The following SFXN5 variants were observed in gnomAD, a reference collection of about 807,000 sequenced individuals.
The protein encoded by SFXN5 is sideroflexin-5.
In SFXN5, 43 loss-of-function variants were observed where a neutral mutation model predicts 50.2. That is an observed-to-expected ratio of 0.86 (90% CI 0.67 to 1.11). SFXN5 has a LOEUF of 1.11. Ranked by LOEUF, SFXN5 falls within the 50% of genes least tolerant of loss-of-function variation. The probability of loss-of-function intolerance (pLI) is 0.00; values close to 1 mark genes in which losing one functional copy is unlikely to be tolerated. For synonymous variants in SFXN5, 203 were observed against 185.8 expected (o/e 1.09, Z -0.75); for missense variants, 463 against 454.1 (o/e 1.02, Z -0.18).
intron 2 of SFXN5, among the ~76,000 whole-genome samples, chr2:73,045,815 C>A (rs1680248893): frequency 6.6e-6 from 1 of 152,116 alleles, no homozygotes; most frequent in South Asian, 2.1e-4. Flanking sequence ...TGTTCCCACC[C>A]AGCAGTCCTG....
rs1222588278 is a variant in SFXN5, at chr2:72,992,150, C to T, written c.535-3802G>A. ...CTATCTCCAAGGTCTGGCTACTGGGCCAGTGAATTTGCCATGAGCAGCTGA... is the reference window on the plus strand; with the variant it reads ...CTATCTCCAAGGTCTGGCTACTGGGTCAGTGAATTTGCCATGAGCAGCTGA... On this transcript the variant is annotated intron_variant, in intron 9 of 13. Transcript: ENST00000272433. This position sits in a 1 kb window ranked among gnomAD's most constrained non-coding sequence, Gnocchi z 4.5. 6.6e-6 allele frequency among the ~76,000 whole-genome samples: 1 copy of T among 152,116 alleles called. No homozygotes were observed. The highest frequency in any genetic ancestry group is 2.4e-5 in the African/African-American group (1 of 41,412).
At chr2:72,964,031 T>G (rs1289549923) in intron 12 of SFXN5, among the ~76,000 whole-genome samples, 1 of 151,984 alleles carries the variant, frequency 6.6e-6, no homozygotes, top group Admixed American at 6.5e-5. Context: ...CGTCTCAGAG[T>G]CAAGGCCAAC....
chr2:73,033,506 G>C (rs770862906), intron 3 of SFXN5, among the ~76,000 whole-genome samples: 3 of 152,250 alleles, frequency 2.0e-5, no homozygotes, highest in Admixed American at 6.5e-5. Flanking sequence ...GGGTCTCACT[G>C]AGGTGATATT....
At chr2:73,044,542 C>G (rs1680068121) in intron 2 of SFXN5, 2 of 152,322 alleles carry the variant, frequency 1.3e-5, no homozygotes, top group African/African-American at 4.8e-5. Context: ...TTAAACTCTT[C>G]ACACGCCCCT....
intron 3 of SFXN5, among the ~76,000 whole-genome samples, chr2:73,039,838 T>G (rs566368667): frequency 1.3e-5 from 2 of 151,268 alleles, no homozygotes; most frequent in East Asian, 1.9e-4. Flanking sequence ...TGAGACAGAG[T>G]TTCGCTTTGT....
chr2:72,953,891 C>A lies in SFXN5; in HGVS notation c.945+7240G>T, dbSNP rs1233487801. On this transcript the variant is annotated intron_variant, in intron 13 of 13. Transcript: ENST00000272433. The surrounding 1 kb of genome is among the most constrained non-coding windows in gnomAD (Gnocchi z 4.1). ...AGCCAGGCTGGTTCATCAAAACCAC[C>A]ATTTTCATCAGGGCTGGTAAGAGGG... Among the ~76,000 whole-genome samples the A allele has an allele frequency of 2.6e-5, 4 of 152,214 alleles. No homozygotes were observed. The highest frequency in any genetic ancestry group is 5.9e-5 in the Non-Finnish European group (4 of 68,030).
intron 6 of SFXN5, among the ~76,000 whole-genome samples, chr2:73,008,279 G>T (rs1402381761): frequency 2.0e-5 from 3 of 152,202 alleles, no homozygotes; most frequent in African/African-American, 7.2e-5. Context: ...GGTGTTCATG[G>T]TCTGCCCTCC....
At chr2:73,038,157 T>C (rs927623413) in intron 3 of SFXN5, among the ~76,000 whole-genome samples, 1 of 152,252 alleles carries the variant, frequency 6.6e-6, no homozygotes, top group Non-Finnish European at 1.5e-5. Context: ...GGCTACCTCG[T>C]AGGTAGAGCC....
In SFXN5 at chr2:72,992,978, T is replaced by A. The variant is rs1031086924; in HGVS notation, c.535-4630A>T. On this transcript the variant is annotated intron_variant, in intron 9 of 13. Coordinates refer to ENST00000272433, the MANE Select transcript of SFXN5 (RefSeq NM_144579.3). The surrounding 1 kb of genome is among the most constrained non-coding windows in gnomAD (Gnocchi z 4.5). ...AGGAAGGGGATGCCTGCCTGAGCCCTGAATAGGAGGCTAGGAAGGGAGCAG... is the reference window on the plus strand; with the variant it reads ...AGGAAGGGGATGCCTGCCTGAGCCCAGAATAGGAGGCTAGGAAGGGAGCAG... Among the ~76,000 whole-genome samples, 2 of 152,042 alleles carry A rather than the reference T, an allele frequency of 1.3e-5. No individual in the cohort carries two copies. The highest frequency in any genetic ancestry group is 4.8e-5 in the African/African-American group (2 of 41,400).
chr2:72,944,744 T>A lies in SFXN5; in HGVS notation c.*278A>T, dbSNP rs1393570575. On this transcript the variant is annotated 3_prime_UTR_variant, in exon 14 of 14. Transcript: ENST00000272433. The stretch of plus-strand genomic sequence containing the variant: ...CATGGGCACTCTACAATTTTTCAGC[T>A]TCACACATAATTGTGCTGAGTGGAG... 7.5e-6 allele frequency: 3 copies of A among 397,580 alleles called. No homozygotes were observed. Among genetic ancestry groups the A allele is most frequent in the Non-Finnish European group, 1.3e-5 (3 of 222,690 alleles). 24.6% of individuals were successfully genotyped at this position (397,580 alleles called of 1,614,324 possible). A position where few individuals can be genotyped will look rare whatever the true frequency, so the allele number is the denominator to read the frequency against.
intron 10 of SFXN5, among the ~76,000 whole-genome samples, chr2:72,976,645 C>T (rs1355242088): frequency 1.3e-5 from 2 of 152,072 alleles, no homozygotes; most frequent in South Asian, 4.1e-4. Flanking sequence ...CAAAAAAGAA[C>T]AAGAAAATGT....
At chr2:72,996,281 C>G (rs1461672188) in intron 9 of SFXN5, among the ~76,000 whole-genome samples, 1 of 152,184 alleles carries the variant, frequency 6.6e-6, no homozygotes, top group Non-Finnish European at 1.5e-5. Context: ...AGCACAGGCA[C>G]AGCCCCGCGT....
In SFXN5 at chr2:73,027,086, G is replaced by C. The variant is rs376677221; in HGVS notation, c.250-3872C>G. 1.9e-3 allele frequency among the ~76,000 whole-genome samples: 291 copies of C among 152,056 alleles called. 3 individuals carry two copies. Among genetic ancestry groups the C allele is most frequent in the Middle Eastern group, 6.8e-3 (2 of 292 alleles). On this transcript the variant is annotated intron_variant, in intron 3 of 13. Transcript: ENST00000272433. ...TATATTTAAAAAAAAAAAGTTAACTGTTAAACAGCCTCAGGCAGGCCCTTC... is the reference window on the plus strand; with the variant it reads ...TATATTTAAAAAAAAAAAGTTAACTCTTAAACAGCCTCAGGCAGGCCCTTC...
chr2:72,980,038 C>G (rs1446184832), intron 10 of SFXN5, among the ~76,000 whole-genome samples: 3 of 152,162 alleles, frequency 2.0e-5, no homozygotes, highest in African/African-American at 4.8e-5. Flanking sequence ...AGCTGCTATT[C>G]TGGCTCAAGA....
intron 1 of SFXN5, among the ~76,000 whole-genome samples, chr2:73,062,144 C>G (rs969509763): frequency 2.0e-5 from 3 of 152,100 alleles, no homozygotes; most frequent in African/African-American, 7.2e-5. Context: ...AAAACATGAA[C>G]TGATATTTTA....
intron 6 of SFXN5, among the ~76,000 whole-genome samples, chr2:73,009,753 A>T (rs1559151470): frequency 6.6e-6 from 1 of 152,196 alleles, no homozygotes; most frequent in Non-Finnish European, 1.5e-5. Context: ...TTCAGCAATG[A>T]ACCCCTGAAT....
chr2:73,029,070 C>T (rs1027250780), intron 3 of SFXN5, among the ~76,000 whole-genome samples: 1 of 152,152 alleles, frequency 6.6e-6, no homozygotes, highest in Non-Finnish European at 1.5e-5. Flanking sequence ...CTCCTGGGAC[C>T]GGGTGCTGGC....
intron 6 of SFXN5, among the ~76,000 whole-genome samples, chr2:73,003,688 C>T (rs969205278): frequency 1.3e-5 from 2 of 152,218 alleles, no homozygotes; most frequent in Admixed American, 1.3e-4. Flanking sequence ...CTTCCCTAAC[C>T]TTCCCTTTGT....
chr2:73,028,439 A>G (rs1180775458), intron 3 of SFXN5, among the ~76,000 whole-genome samples: 2 of 152,222 alleles, frequency 1.3e-5, no homozygotes, highest in African/African-American at 4.8e-5. Context: ...AGGGCCATGC[A>G]GTCCCCATGC....
Sources: gnomAD v4.1 joint callset for allele counts (sites outside exome capture counted in the v4.1 genomes callset) on GRCh38, gnomAD v4.1.1 for gene constraint, Gnocchi (gnomAD v3.1) non-coding constraint, MANE v1.5 for transcripts, NCBI Gene and HGNC (gene_info 2026-07-23, HGNC 2026-07-21) for gene names.